Variants in USP28 observed in about 807,000 individuals in gnomAD.
USP28 encodes ubiquitin specific peptidase 28, also known as ubiquitin carboxyl-terminal hydrolase 28.
Under a neutral mutation model 145.0 loss-of-function variants are expected in USP28, and 113 were observed. The observed-to-expected ratio is 0.78, with a 90% confidence interval of 0.67 to 0.91. USP28 has a LOEUF of 0.91. USP28 is among the 40% of genes least tolerant of loss of function. The probability of loss-of-function intolerance (pLI) is 0.00; values close to 1 mark genes in which losing one functional copy is unlikely to be tolerated. For missense variants in USP28, 1,201 were observed against 1,289.6 expected, an observed-to-expected ratio of 0.93 and a Z score of 1.05; for synonymous variants, 447 against 450.9, an observed-to-expected ratio of 0.99 and a Z score of 0.11.
exon 9 of USP28, chr11:113,830,904 C>G (rs749120196): frequency 6.2e-7 from 1 of 1,614,054 alleles, no homozygotes; most frequent in Admixed American, 1.7e-5. Context: ...TACCATAGAA[C>G]AGCTGCACCA....
intron 1 of USP28, among the ~76,000 whole-genome samples, chr11:113,861,776 T>G (rs969265619): frequency 1.3e-5 from 2 of 152,218 alleles, no homozygotes; most frequent in South Asian, 2.1e-4. Context: ...TTTTCCTTAT[T>G]TTAGAATACA....
intron 16 of USP28, among the ~76,000 whole-genome samples, chr11:113,811,667 G>A (rs780003843): frequency 9.9e-5 from 15 of 150,938 alleles, no homozygotes; most frequent in East Asian, 3.9e-4. Flanking sequence ...CAGCCTGGGC[G>A]ACAAAGCAAG....
At chr11:113,835,110 T>C (rs1308312219) in intron 5 of USP28, 4 of 369,092 alleles carry the variant, frequency 1.1e-5, no homozygotes, top group South Asian at 6.3e-5. Flanking sequence ...CTCCTTGTCA[T>C]AGTATTGTAT....
chr11:113,833,346 G>A (rs1944224688), intron 7 of USP28, 74 bp downstream of exon 7: 1 of 1,550,260 alleles, frequency 6.5e-7, no homozygotes, highest in Non-Finnish European at 8.7e-7. Flanking sequence ...TTGTTACGCA[G>A]TTGAAATGAA....
intron 19 of USP28, among the ~76,000 whole-genome samples, chr11:113,805,516 A>C (rs747626586): frequency 3.3e-5 from 5 of 152,162 alleles, no homozygotes; most frequent in African/African-American, 1.2e-4. Context: ...TTGGCCTCCC[A>C]AAGTGCTGGG....
At chr11:113,813,713 T>C (rs1941326333) in intron 15 of USP28, 172 bp downstream of exon 15, 2 of 639,500 alleles carry the variant, frequency 3.1e-6, no homozygotes, top group Admixed American at 3.1e-5. Context: ...AAAAGGTATA[T>C]TGCTTTCTTT....
chr11:113,805,080 T>A, intron 19 of USP28, 34 bp from the exon 21 acceptor site: 1 of 1,604,514 alleles, frequency 6.2e-7, no homozygotes. Context: ...TAGAAAATAG[T>A]GTGCTGTGGG....
chr11:113,867,627 C>A (rs909643097), intron 1 of USP28, among the ~76,000 whole-genome samples: 8 of 151,930 alleles, frequency 5.3e-5, no homozygotes, highest in Non-Finnish European at 7.4e-5. Context: ...CTGCAGCAGG[C>A]TGAGGCAGAA....
At chr11:113,811,175 A>G (rs2135395638) in intron 16 of USP28, among the ~76,000 whole-genome samples, 1 of 152,332 alleles carries the variant, frequency 6.6e-6, no homozygotes, top group South Asian at 2.1e-4. Flanking sequence ...CTATGTGATT[A>G]CTCAACTTTA....
At position 113,846,102 on chromosome 11, in the gene USP28, GACAA is replaced by G. The variant is rs1228457827; in HGVS notation, c.269-4338_269-4335del. On this transcript the variant is annotated intron_variant, in intron 3 of 24. Coordinates refer to ENST00000003302, the Ensembl canonical transcript of USP28. Reference sequence around the variant, plus strand: ...AAGTGAAATAAGCCCACTGCAAAAGGACAAACAGTGTATTTCTACTTATACGAGG... The same window carrying G: ...AAGTGAAATAAGCCCACTGCAAAAGGACAGTGTATTTCTACTTATACGAGG... Among the ~76,000 whole-genome samples, 8 of 152,234 alleles carry G rather than the reference GACAA, an allele frequency of 5.3e-5. No individual in the cohort carries two copies. In the South Asian group the frequency reaches 6.2e-4, roughly 12 times the overall value.
At chr11:113,841,753 G>C (rs1472229405) in exon 4 of USP28, 1 of 1,612,510 alleles carries the variant, frequency 6.2e-7, no homozygotes, top group Non-Finnish European at 8.5e-7. Context: ...GTTATCATGA[G>C]TAAGGTCTAT....
chr11:113,851,475 C>T (rs1488164541), intron 3 of USP28, among the ~76,000 whole-genome samples: 3 of 152,136 alleles, frequency 2.0e-5, no homozygotes, highest in African/African-American at 7.2e-5. Context: ...AAATGACTTA[C>T]TCCCTCACCT....
intron 3 of USP28, among the ~76,000 whole-genome samples, chr11:113,851,884 A>G (rs1048650347): frequency 4.6e-5 from 7 of 151,756 alleles, no homozygotes; most frequent in Non-Finnish European, 7.4e-5. Context: ...TATTTATCAC[A>G]TTCTAATATA....
chr11:113,869,375 G>A (rs1264747768), intron 1 of USP28, among the ~76,000 whole-genome samples: 1 of 152,198 alleles, frequency 6.6e-6, no homozygotes, highest in Non-Finnish European at 1.5e-5. Flanking sequence ...GTTACAGTGA[G>A]CTGATCTCAC....
chr11:113,867,418 C>T (rs1948386021), intron 1 of USP28, among the ~76,000 whole-genome samples: 1 of 151,750 alleles, frequency 6.6e-6, no homozygotes, highest in South Asian at 2.1e-4. Flanking sequence ...AGGTGCTCAC[C>T]ACCACATCTG....
At chr11:113,835,348 A>G (rs986731911) in intron 5 of USP28, 4 of 455,846 alleles carry the variant, frequency 8.8e-6, no homozygotes, top group Admixed American at 2.4e-5. Flanking sequence ...AATAGGCAAA[A>G]CTTTGGAATT....
chr11:113,826,394 G>A (rs1171476848), intron 11 of USP28, among the ~76,000 whole-genome samples: 7 of 131,762 alleles, frequency 5.3e-5, no homozygotes, highest in Non-Finnish European at 9.2e-5. Flanking sequence ...TGTTACCCAG[G>A]CTGGAGTGCA....
chr11:113,864,761 C>A (rs1311252251), intron 1 of USP28, among the ~76,000 whole-genome samples: 2 of 152,216 alleles, frequency 1.3e-5, no homozygotes, highest in African/African-American at 4.8e-5. Flanking sequence ...TATCCAGAAT[C>A]ACGCTCACAG....
intron 5 of USP28, among the ~76,000 whole-genome samples, chr11:113,835,599 T>G (rs1944474850): frequency 6.6e-6 from 1 of 152,236 alleles, no homozygotes; most frequent in South Asian, 2.1e-4. Flanking sequence ...GCTGGTGAGC[T>G]GTATCCTCTG....
Sources: gnomAD v4.1 joint callset for allele counts (sites outside exome capture counted in the v4.1 genomes callset) on GRCh38, gnomAD v4.1.1 for gene constraint, MANE v1.5 for transcripts, NCBI Gene and HGNC (gene_info 2026-07-23, HGNC 2026-07-21) for gene names.